AKAP8L: variants seen among roughly 807,000 people sequenced by gnomAD.
The protein encoded by AKAP8L is A-kinase anchor protein 8-like.
Under a neutral mutation model 77.5 loss-of-function variants are expected in AKAP8L, and 34 were observed. The observed-to-expected ratio is 0.44, with a 90% confidence interval of 0.33 to 0.58. The LOEUF is 0.58. Among genes scored for constraint, AKAP8L ranks in the 20% least tolerant of loss-of-function variants. The probability of loss-of-function intolerance (pLI) is 0.02; values close to 1 mark genes in which losing one functional copy is unlikely to be tolerated. For synonymous variants in AKAP8L, 342 were observed against 340.7 expected (o/e 1.00, Z -0.04); for missense variants, 806 against 887.6 (o/e 0.91, Z 1.17).
At position 15,397,822 on chromosome 19, in the gene AKAP8L, C is replaced by G; in HGVS notation, c.1191G>C (p.Arg397=). Residue 397 remains arginine (R), a synonymous_variant, in exon 10 of 14, where the codon CGG becomes CGC. Transcript: ENST00000397410. The surrounding 1 kb of genome is among the most constrained non-coding windows in gnomAD (Gnocchi z 4.7). ...IQFVCSLCKY[R]TFYEDEMASH... ...TGGCCATCTCGTCCTCATAGAAGGT[C>G]CGGTATTTGCACAGAGAACACACAA... The G allele has an allele frequency of 6.2e-7, 1 of 1,613,904 alleles. No homozygotes were observed. Among genetic ancestry groups the G allele is most frequent in the Non-Finnish European group, 8.5e-7 (1 of 1,179,872 alleles).
rs1364448631 is a variant in AKAP8L at position 15,397,652 on chromosome 19, G to A, written c.1300-27C>T. On this transcript the variant is annotated intron_variant, in intron 10 of 13. Transcript: ENST00000397410. This position sits in a 1 kb window ranked among gnomAD's most constrained non-coding sequence, Gnocchi z 4.7. ...TGCAAGGAATATAAAGGTTCATGTG[G>A]GCCGCCTTATGTTCTCAGGGGTCCA... The A allele has an allele frequency of 6.2e-7, 1 of 1,613,800 alleles. No homozygotes were observed. Among genetic ancestry groups the A allele is most frequent in the Non-Finnish European group, 8.5e-7 (1 of 1,179,792 alleles).
At position 15,380,291 on chromosome 19, in the gene AKAP8L, A is replaced by G; in HGVS notation, c.1772T>C (p.Val591Ala). ...GAEGVPAQPP[V>A]PPEPAPGAVS... Reference sequence around the variant, plus strand: ...GGCCCCGGGGGCTGGCTCTGGGGGCACGGGAGGCTGCGCCGGCACGCCCTC... The same window carrying G: ...GGCCCCGGGGGCTGGCTCTGGGGGCGCGGGAGGCTGCGCCGGCACGCCCTC... Residue 591 changes from valine to alanine, a missense_variant, in exon 14 of 14, where the codon GTG (valine) becomes GCG (alanine). Val to Ala is a moderately conservative substitution (Grantham distance 64, BLOSUM62 0). Around this residue, in one of 2 missense-constraint regions of AKAP8L, gnomAD observed 226 missense variants for 193.5 expected, o/e 1.17. Coordinates refer to ENST00000397410, the MANE Select transcript of AKAP8L (RefSeq NM_014371.4). 1 of 1,527,618 alleles carries G rather than the reference A, an allele frequency of 6.5e-7. No individual in the cohort carries two copies. The highest frequency in any genetic ancestry group is 8.7e-7 in the Non-Finnish European group (1 of 1,143,910). The allele number at this position is 1,527,618 out of a possible 1,614,324, so 94.6% of individuals were successfully genotyped here.
chr19:15,380,497 G>GGCGCCT lies in AKAP8L; in HGVS notation c.1632+19_1632+20insAGGCGC, dbSNP rs145945826. On this transcript the variant is annotated intron_variant, in intron 13 of 13. Coordinates refer to ENST00000397410, the MANE Select transcript of AKAP8L (RefSeq NM_014371.4). The stretch of plus-strand genomic sequence containing the variant: ...CGGGGACTAAGCTGGGGACAGGGCA[G>GGCGCCT]GCCCGGACCAGTGCCTCACCTTCAG... 1.1e-3 allele frequency: 1,822 copies of GGCGCCT among 1,613,686 alleles called. 32 individuals carry two copies. The East Asian group carries it at 0.033, about 29-fold the overall frequency.
intron 12 of AKAP8L, among the ~76,000 whole-genome samples, chr19:15,395,792 G>A (rs1298671315): frequency 1.4e-5 from 2 of 143,188 alleles, no homozygotes; most frequent in African/African-American, 5.1e-5. Context: ...AGACCATCCT[G>A]GCTAACACGG....
At position 15,417,464 on chromosome 19, in the gene AKAP8L, C is replaced by G. The variant is rs546606700; in HGVS notation, c.13+1447G>C. Among the ~76,000 whole-genome samples the G allele has an allele frequency of 2.6e-5, 4 of 152,206 alleles. No individual in the cohort carries two copies. In the South Asian group the frequency reaches 8.3e-4, roughly 32 times the overall value. On this transcript the variant is annotated intron_variant, in intron 1 of 13. Coordinates refer to ENST00000397410, the MANE Select transcript of AKAP8L (RefSeq NM_014371.4). ...GTGTATACCGTAGCAGGGCAGCATC[C>G]CAAACCTCCATCCACTAGATACCAG...
rs1967799779 is a variant in AKAP8L, at chr19:15,397,462, A to G, written c.1405+58T>C. ...GAAGGGTGTCCTGACCCTGCACCGA[A>G]AATCAGGAGTGCAGGCTGAGGCCTT... On this transcript the variant is annotated intron_variant, in intron 11 of 13. Coordinates refer to ENST00000397410, the MANE Select transcript of AKAP8L (RefSeq NM_014371.4). This position sits in a 1 kb window ranked among gnomAD's most constrained non-coding sequence, Gnocchi z 4.7. 4 of 1,541,586 alleles carry G rather than the reference A, an allele frequency of 2.6e-6. No individual in the cohort carries two copies. The highest frequency in any genetic ancestry group is 1.7e-5 in the Admixed American group (1 of 57,852).
rs1967809556 is a variant in AKAP8L, at chr19:15,397,850, TGGATCCTGCCACAGGAAGGAAACGA to T, written c.1158-20_1162del. ...GTATTTGCACAGAGAACACACAAACTGGATCCTGCCACAGGAAGGAAACGAGGGGCTGAGGCTGCAAGTGTCCCAG... is the reference window on the plus strand; with the variant it reads ...GTATTTGCACAGAGAACACACAAACTGGGGCTGAGGCTGCAAGTGTCCCAG... On this transcript the variant is annotated splice_acceptor_variant and splice_polypyrimidine_tract_variant and coding_sequence_variant and intron_variant, in exon 10 of 14. Coordinates refer to ENST00000397410, the MANE Select transcript of AKAP8L (RefSeq NM_014371.4). LOFTEE classifies it high-confidence loss of function. This position sits in a 1 kb window ranked among gnomAD's most constrained non-coding sequence, Gnocchi z 4.7. The T allele has an allele frequency of 6.2e-7, 1 of 1,613,546 alleles. No homozygotes were observed. The highest frequency in any genetic ancestry group is 1.3e-5 in the African/African-American group (1 of 74,866).
Position 15,398,543 on chromosome 19 carries a change from G to A in AKAP8L, c.1158-688C>T, listed in dbSNP as rs997671850. ...GGCCTGGTGTCCACAGTAGAAGCCC[G>A]GGGTCTGGGGCCTGGGCCGGAGCAG... On this transcript the variant is annotated intron_variant, in intron 9 of 13. Coordinates refer to ENST00000397410, the MANE Select transcript of AKAP8L (RefSeq NM_014371.4). This position sits in a 1 kb window ranked among gnomAD's most constrained non-coding sequence, Gnocchi z 9.2. The A allele has an allele frequency of 1.1e-5, 11 of 980,254 alleles. No homozygotes were observed. Among genetic ancestry groups the A allele is most frequent in the Non-Finnish European group, 7.3e-6 (6 of 824,964 alleles). 60.7% of individuals were successfully genotyped at this position (980,254 alleles called of 1,614,324 possible). A position where few individuals can be genotyped will look rare whatever the true frequency, so the allele number is the denominator to read the frequency against.
chr19:15,398,785 G>A lies in AKAP8L; in HGVS notation c.1157+517C>T, dbSNP rs1398545557. ...GGGAGCCCTGAGGGCAGACAGACCCGACCAAGGGGCGTGAAGGGCTCAGCC... is the reference window on the plus strand; with the variant it reads ...GGGAGCCCTGAGGGCAGACAGACCCAACCAAGGGGCGTGAAGGGCTCAGCC... On this transcript the variant is annotated intron_variant, in intron 9 of 13. Coordinates refer to ENST00000397410, the MANE Select transcript of AKAP8L (RefSeq NM_014371.4). The surrounding 1 kb of genome is among the most constrained non-coding windows in gnomAD (Gnocchi z 9.2). 12 of 997,050 alleles carry A rather than the reference G, an allele frequency of 1.2e-5. No homozygotes were observed. Among genetic ancestry groups the A allele is most frequent in the African/African-American group, 1.0e-4 (6 of 57,300 alleles). 61.8% of individuals were successfully genotyped at this position (997,050 alleles called of 1,614,324 possible). A position where few individuals can be genotyped will look rare whatever the true frequency, so the allele number is the denominator to read the frequency against.
At position 15,380,120 on chromosome 19, in the gene AKAP8L, G is replaced by C; in HGVS notation, c.*2C>G. On this transcript the variant is annotated 3_prime_UTR_variant, in exon 14 of 14. Transcript: ENST00000397410. Reference sequence around the variant, plus strand: ...GCGGGCTCCGCCCGCCCCGAGCTCGGGTCACGGGGCGCCCCCGCCGCCCTC... The same window carrying C: ...GCGGGCTCCGCCCGCCCCGAGCTCGCGTCACGGGGCGCCCCCGCCGCCCTC... 2 of 1,490,660 alleles carry C rather than the reference G, an allele frequency of 1.3e-6. No individual in the cohort carries two copies. Among genetic ancestry groups the C allele is most frequent in the Non-Finnish European group, 1.8e-6 (2 of 1,129,756 alleles). The allele number at this position is 1,490,660 out of a possible 1,614,324, so 92.3% of individuals were successfully genotyped here.
chr19:15,417,413 G>A (rs7245680), intron 1 of AKAP8L, among the ~76,000 whole-genome samples: 32,583 of 152,056 alleles, frequency 0.21, 3,987 homozygotes, highest in African/African-American at 0.34. Context: ...TTTGACGCCA[G>A]ATACTTCTTT....
chr19:15,398,895 T>G lies in AKAP8L; in HGVS notation c.1157+407A>C. The G allele has an allele frequency of 2.3e-5, 19 of 818,600 alleles. No homozygotes were observed. Among genetic ancestry groups the G allele is most frequent in the Non-Finnish European group, 2.9e-5 (19 of 647,806 alleles). 50.7% of individuals were successfully genotyped at this position (818,600 alleles called of 1,614,324 possible). A position where few individuals can be genotyped will look rare whatever the true frequency, so the allele number is the denominator to read the frequency against. ...CACAGCCCACAGGTGCTGCCATCTCTCCTGGGCACGGCGGTGGCCTCTTGG... is the reference window on the plus strand; with the variant it reads ...CACAGCCCACAGGTGCTGCCATCTCGCCTGGGCACGGCGGTGGCCTCTTGG... On this transcript the variant is annotated intron_variant, in intron 9 of 13. Transcript: ENST00000397410. This position sits in a 1 kb window ranked among gnomAD's most constrained non-coding sequence, Gnocchi z 9.2.
At chr19:15,407,299 A>G (rs892253063) in intron 2 of AKAP8L, among the ~76,000 whole-genome samples, 2 of 152,194 alleles carry the variant, frequency 1.3e-5, no homozygotes, top group Non-Finnish European at 2.9e-5. Flanking sequence ...AATTCTATCC[A>G]CCTATAAATT....
intron 1 of AKAP8L, among the ~76,000 whole-genome samples, chr19:15,413,190 A>T (rs978149415): frequency 4.6e-5 from 7 of 152,206 alleles, no homozygotes; most frequent in African/African-American, 1.7e-4. Flanking sequence ...TTACTCTGCA[A>T]TTCCCCCAGG....
chr19:15,391,167 C>CACT (rs1967650781), intron 12 of AKAP8L, among the ~76,000 whole-genome samples: 2 of 151,940 alleles, frequency 1.3e-5, no homozygotes, highest in South Asian at 4.2e-4. Flanking sequence ...CTAAGAAATC[C>CACT]ACTAAAAACT....
intron 2 of AKAP8L, chr19:15,404,309 T>A: frequency 4.4e-6 from 2 of 452,182 alleles, no homozygotes; most frequent in East Asian, 3.9e-5. Flanking sequence ...CCTATACTCC[T>A]CCCTTTAAGA....
At position 15,403,307 on chromosome 19, in the gene AKAP8L, G is replaced by T; in HGVS notation, c.362+168C>A. The T allele has an allele frequency of 1.5e-6, 1 of 647,810 alleles. No individual in the cohort carries two copies. Among genetic ancestry groups the T allele is most frequent in the East Asian group, 2.7e-5 (1 of 36,550 alleles). The allele number at this position is 647,810 out of a possible 1,614,324, so 40.1% of individuals were successfully genotyped here. A position where few individuals can be genotyped will look rare whatever the true frequency, so the allele number is the denominator to read the frequency against. ...CAGGGGTTGAGGGTGGGTGAGAGGAGACACAAGTCAGAGACGGGAAGTGCA... is the reference window on the plus strand; with the variant it reads ...CAGGGGTTGAGGGTGGGTGAGAGGATACACAAGTCAGAGACGGGAAGTGCA... On this transcript the variant is annotated intron_variant, in intron 4 of 13. Transcript: ENST00000397410. This position sits in a 1 kb window ranked among gnomAD's most constrained non-coding sequence, Gnocchi z 4.3.
chr19:15,410,422 A>C, intron 2 of AKAP8L, 98 bp downstream of exon 2: 1 of 1,073,814 alleles, frequency 9.3e-7, no homozygotes, highest in Non-Finnish European at 1.4e-6. Context: ...TTTAGGTTTA[A>C]AAAAGCATGA....
rs1372715487 is a variant in AKAP8L at position 15,380,050 on chromosome 19, T to C, written c.*72A>G. ...GCACAGTAACAGAGAAACCCGGAGG[T>C]GGGATGGGAAAACTTTATTAGGTTT... is the stretch of plus-strand genomic sequence containing the variant. On this transcript the variant is annotated 3_prime_UTR_variant, in exon 14 of 14. Transcript: ENST00000397410. 5 of 1,065,654 alleles carry C rather than the reference T, an allele frequency of 4.7e-6. No homozygotes were observed. The highest frequency in any genetic ancestry group is 2.1e-5 in the African/African-American group (1 of 47,714). The allele number at this position is 1,065,654 out of a possible 1,614,324, so 66.0% of individuals were successfully genotyped here.
Sources: allele counts gnomAD v4.1 joint callset (sites outside exome capture counted in the v4.1 genomes callset), GRCh38; gene constraint gnomAD v4.1.1; regional missense constraint gnomAD v4.1.1; non-coding constraint Gnocchi (gnomAD v3.1); transcripts MANE v1.5; gene names NCBI Gene and HGNC (gene_info 2026-07-23, HGNC 2026-07-21).